The following GFPT2 variants were observed in gnomAD, a reference collection of about 807,000 sequenced individuals.
GFPT2 encodes the protein glutamine--fructose-6-phosphate aminotransferase [isomerizing] 2.
Under a neutral mutation model 85.6 loss-of-function variants are expected in GFPT2, and 62 were observed. The ratio of observed to expected loss-of-function variants is 0.72; its 90% CI spans 0.59 to 0.90. GFPT2 has a LOEUF of 0.90. GFPT2 is among the 40% of genes least tolerant of loss of function. The pLI is 0.00. For missense variants in GFPT2, 788 were observed against 893.4 expected, an observed-to-expected ratio of 0.88 and a Z score of 1.50; for synonymous variants, 368 against 344.5, an observed-to-expected ratio of 1.07 and a Z score of -0.75.
At position 180,338,478 on chromosome 5, in the gene GFPT2, C is replaced by G. The variant is rs200080689; in HGVS notation, c.115+15G>C. 1 of 1,460,788 alleles carries G rather than the reference C, an allele frequency of 6.8e-7. No individual in the cohort carries two copies. The highest frequency in any genetic ancestry group is 1.4e-5 in the African/African-American group (1 of 72,140). 90.5% of individuals were successfully genotyped at this position (1,460,788 alleles called of 1,614,324 possible). A position where few individuals can be genotyped will look rare whatever the true frequency, so the allele number is the denominator to read the frequency against. On this transcript the variant is annotated intron_variant, in intron 2 of 18. Transcript: ENST00000253778. ...GCCCGGTCCCCAGCCACGAGGCGGG[C>G]GGCCGCACACCCACCTGCCGAGTCG...
At chr5:180,301,923 G>T (rs894809834) in intron 18 of GFPT2, among the ~76,000 whole-genome samples, 12 of 112,438 alleles carry the variant, frequency 1.1e-4, no homozygotes, top group Non-Finnish European at 1.8e-4. Flanking sequence ...TTTCTTGCAA[G>T]AATATATATG....
intron 7 of GFPT2, among the ~76,000 whole-genome samples, chr5:180,327,592 T>C (rs143082138): frequency 1.9e-3 from 287 of 152,324 alleles, no homozygotes; most frequent in African/African-American, 6.7e-3. Context: ...TGTTCAGCCC[T>C]TCAAGGCAGG....
At position 180,301,626 on chromosome 5, in the gene GFPT2, G is replaced by A; in HGVS notation, c.2005-18C>T. On this transcript the variant is annotated intron_variant, in intron 18 of 18. Transcript: ENST00000253778. Reference sequence around the variant, plus strand: ...AAGTCAACCTAAAATGAAAGAAAGTGACTGTTCAGGACCCCAAAGATCTCA... The same window carrying A: ...AAGTCAACCTAAAATGAAAGAAAGTAACTGTTCAGGACCCCAAAGATCTCA... 1 of 1,604,544 alleles carries A rather than the reference G, an allele frequency of 6.2e-7. No individual in the cohort carries two copies. Among genetic ancestry groups the A allele is most frequent in the Non-Finnish European group, 8.5e-7 (1 of 1,171,318 alleles).
At chr5:180,305,481 C>A (rs1334714906) in intron 16 of GFPT2, among the ~76,000 whole-genome samples, 1 of 152,192 alleles carries the variant, frequency 6.6e-6, no homozygotes, top group African/African-American at 2.4e-5. Flanking sequence ...AAATCCACGT[C>A]ATTGAAATGG....
At chr5:180,307,380 G>C (rs987298784) in intron 15 of GFPT2, 77 bp from the exon 16 acceptor site, 2 of 1,435,590 alleles carry the variant, frequency 1.4e-6, no homozygotes, top group African/African-American at 2.8e-5. Flanking sequence ...CAAATGCTGG[G>C]GTTTAAGAGG....
chr5:180,351,201 C>T (rs1478562892), intron 1 of GFPT2, among the ~76,000 whole-genome samples: 1 of 152,320 alleles, frequency 6.6e-6, no homozygotes, highest in East Asian at 1.9e-4. Context: ...CATCATCCCC[C>T]CCAAACAGAC....
rs554733370 is a variant in GFPT2 at position 180,330,474 on chromosome 5, T to C, written c.534+226A>G. ...ACGATGAAGCAGGGCACTTTCTATT[T>C]GATGTTGACTACCCAAACCACAGAA... On this transcript the variant is annotated intron_variant, in intron 6 of 18. Transcript: ENST00000253778. The surrounding 1 kb of genome is among the most constrained non-coding windows in gnomAD (Gnocchi z 4.4). Among the ~76,000 whole-genome samples the C allele has an allele frequency of 3.9e-5, 6 of 152,310 alleles. No homozygotes were observed. Among genetic ancestry groups the C allele is most frequent in the Admixed American group, 3.3e-4 (5 of 15,302 alleles).
rs1764717120 is a variant in GFPT2 at position 180,351,856 on chromosome 5, G to T, written c.7+1355C>A. On this transcript the variant is annotated intron_variant, in intron 1 of 18. Transcript: ENST00000253778. ...GGGAAGGGGAGCCTCTGGTGCTGTGGGCAGACCCTCCTGGTTCAAGGGTCT... is the reference window on the plus strand; with the variant it reads ...GGGAAGGGGAGCCTCTGGTGCTGTGTGCAGACCCTCCTGGTTCAAGGGTCT... Among the ~76,000 whole-genome samples, 5 of 152,142 alleles carry T rather than the reference G, an allele frequency of 3.3e-5. No homozygotes were observed. In the South Asian group the frequency reaches 1.0e-3, roughly 31 times the overall value.
intron 4 of GFPT2, among the ~76,000 whole-genome samples, chr5:180,334,478 C>T (rs1157640318): frequency 6.6e-6 from 1 of 152,216 alleles, no homozygotes; most frequent in African/African-American, 2.4e-5. Context: ...TGGTGCTGCT[C>T]TCCTGTGGCC....
intron 1 of GFPT2, chr5:180,352,308 G>A: frequency 2.4e-6 from 1 of 409,686 alleles, no homozygotes; most frequent in Non-Finnish European, 4.7e-6. Context: ...AGCCACAGGA[G>A]GCTGGAATGG....
chr5:180,342,407 G>GTTTTT (rs757456841), intron 1 of GFPT2, among the ~76,000 whole-genome samples: 25 of 109,316 alleles, frequency 2.3e-4, no homozygotes, highest in African/African-American at 5.7e-4. Flanking sequence ...TAGGTGAAAT[G>GTTTTT]TTTTTTTTTT....
chr5:180,337,718 C>T (rs1035981838), intron 2 of GFPT2, among the ~76,000 whole-genome samples: 4 of 152,120 alleles, frequency 2.6e-5, no homozygotes, highest in Non-Finnish European at 5.9e-5. Flanking sequence ...ATGTCTACAA[C>T]TCGATGAGCT....
intron 1 of GFPT2, among the ~76,000 whole-genome samples, chr5:180,347,174 G>A (rs982334315): frequency 2.0e-5 from 3 of 152,242 alleles, no homozygotes; most frequent in Middle Eastern, 3.2e-3. Context: ...GCCGAAGGCA[G>A]GAGAGCCTGA....
intron 3 of GFPT2, 168 bp from the exon 4 acceptor site, chr5:180,336,121 A>G (rs2127655332): frequency 1.6e-6 from 1 of 608,364 alleles, no homozygotes; most frequent in Non-Finnish European, 2.9e-6. Context: ...CCCGTGCTGA[A>G]GGTTATTTAC....
Position 180,353,203 on chromosome 5 carries a change from G to A in GFPT2, c.7+8C>T, listed in dbSNP as rs1004321550. 2.7e-5 allele frequency: 33 copies of A among 1,237,258 alleles called. No individual in the cohort carries two copies. Among genetic ancestry groups the A allele is most frequent in the Non-Finnish European group, 2.9e-5 (29 of 988,016 alleles). 76.6% of individuals were successfully genotyped at this position (1,237,258 alleles called of 1,614,324 possible). A position where few individuals can be genotyped will look rare whatever the true frequency, so the allele number is the denominator to read the frequency against. On this transcript the variant is annotated splice_region_variant and intron_variant, in intron 1 of 18. Coordinates refer to ENST00000253778, the MANE Select transcript of GFPT2 (RefSeq NM_005110.4). ...GGAGGAGGCGGCTCGGGCGGGCGCG[G>A]CACTCACCGCACATCGTGGCTGCTT...
chr5:180,307,379 G>A, intron 15 of GFPT2, 76 bp from the exon 16 acceptor site: 1 of 1,435,368 alleles, frequency 7.0e-7, no homozygotes, highest in Non-Finnish European at 9.8e-7. Flanking sequence ...ACAAATGCTG[G>A]GGTTTAAGAG....
intron 9 of GFPT2, among the ~76,000 whole-genome samples, chr5:180,320,662 A>G (rs549595283): frequency 1.3e-5 from 2 of 152,304 alleles, no homozygotes; most frequent in Admixed American, 6.5e-5. Flanking sequence ...AATCCCAGCT[A>G]CTTGGGAGGC....
At chr5:180,327,256 C>A (rs1764225246) in intron 7 of GFPT2, among the ~76,000 whole-genome samples, 1 of 152,226 alleles carries the variant, frequency 6.6e-6, no homozygotes, top group African/African-American at 2.4e-5. Context: ...TCCCCACAGC[C>A]TTTGAGGCCC....
Position 180,330,274 on chromosome 5 carries a change from A to T in GFPT2, c.534+426T>A, listed in dbSNP as rs900554984. ...GAGGTGGAGGTTGCAGTGAGCCAAG[A>T]TCACACCACTGCACTCCAGCCTGTG... On this transcript the variant is annotated intron_variant, in intron 6 of 18. Coordinates refer to ENST00000253778, the MANE Select transcript of GFPT2 (RefSeq NM_005110.4). This position sits in a 1 kb window ranked among gnomAD's most constrained non-coding sequence, Gnocchi z 4.4. Among the ~76,000 whole-genome samples the T allele has an allele frequency of 2.6e-5, 4 of 152,148 alleles. No individual in the cohort carries two copies. The highest frequency in any genetic ancestry group is 3.2e-3 in the Middle Eastern group (1 of 316).
Sources: allele counts gnomAD v4.1 joint callset (sites outside exome capture counted in the v4.1 genomes callset), GRCh38; gene constraint gnomAD v4.1.1; non-coding constraint Gnocchi (gnomAD v3.1); transcripts MANE v1.5; gene names NCBI Gene and HGNC (gene_info 2026-07-23, HGNC 2026-07-21).